Variants in SEC11A observed in about 807,000 individuals in gnomAD.
SEC11A encodes the protein SEC11 homolog A, signal peptidase complex subunit.
In SEC11A, 14 loss-of-function variants were observed where a neutral mutation model predicts 25.6. That is an observed-to-expected ratio of 0.55 (90% CI 0.36 to 0.85). The LOEUF is 0.85. Ranked by LOEUF, SEC11A falls within the 40% of genes least tolerant of loss-of-function variation. The pLI is 0.01. For missense variants in SEC11A, 153 were observed against 222.9 expected, an observed-to-expected ratio of 0.69 and a Z score of 2.00; for synonymous variants, 83 against 76.4, an observed-to-expected ratio of 1.09 and a Z score of -0.45.
intron 1 of SEC11A, among the ~76,000 whole-genome samples, chr15:84,695,459 G>A (rs1051280790): frequency 4.7e-5 from 7 of 150,468 alleles, no homozygotes; most frequent in African/African-American, 1.2e-4. Context: ...GCGAAACTCC[G>A]TCTCAAAAAA....
intron 2 of SEC11A, among the ~76,000 whole-genome samples, chr15:84,691,067 T>TTC (rs1471642265): frequency 1.2e-4 from 16 of 135,662 alleles, no homozygotes; most frequent in Non-Finnish European, 1.4e-4. Context: ...AGAATTTCTT[T>TTC]TCTCTCTTTT....
intron 1 of SEC11A, among the ~76,000 whole-genome samples, chr15:84,706,743 T>C (rs1898105972): frequency 6.6e-6 from 1 of 152,162 alleles, no homozygotes; most frequent in African/African-American, 2.4e-5. Flanking sequence ...AATCTAACAG[T>C]TTTGTACTTT....
At chr15:84,670,256 TTC>T (rs1361696017) in intron 5 of SEC11A, 187 bp from the exon 6 acceptor site, 12 of 487,636 alleles carry the variant, frequency 2.5e-5, no homozygotes, top group South Asian at 6.2e-5. Flanking sequence ...TTAAATAATT[TTC>T]TTTTTTTTTT....
At chr15:84,700,200 A>T (rs187762079) in intron 1 of SEC11A, among the ~76,000 whole-genome samples, 9 of 152,060 alleles carry the variant, frequency 5.9e-5, no homozygotes, top group Admixed American at 1.3e-4. Flanking sequence ...CAACCAATAA[A>T]AAACTACCAG....
At chr15:84,680,610 G>T in intron 4 of SEC11A, 103 bp downstream of exon 4, 1 of 1,219,238 alleles carries the variant, frequency 8.2e-7, no homozygotes, top group East Asian at 2.5e-5. Context: ...GGTGGAACCA[G>T]AACCAAATCT....
At chr15:84,676,927 C>A (rs904351642) in intron 4 of SEC11A, among the ~76,000 whole-genome samples, 8 of 151,802 alleles carry the variant, frequency 5.3e-5, no homozygotes, top group African/African-American at 1.9e-4. Context: ...CCAATCTCTA[C>A]AAAAATTAAA....
intron 4 of SEC11A, among the ~76,000 whole-genome samples, chr15:84,676,739 T>G (rs1043210266): frequency 2.7e-5 from 4 of 149,356 alleles, no homozygotes; most frequent in African/African-American, 4.9e-5. Flanking sequence ...TGAGCTAAGA[T>G]AGCACCATTG....
intron 4 of SEC11A, chr15:84,672,381 C>T (rs538404904): frequency 6.2e-6 from 1 of 160,344 alleles, no homozygotes; most frequent in East Asian, 1.9e-4. Context: ...ATTCTCCTGC[C>T]TCAGCCTGCC....
intron 1 of SEC11A, among the ~76,000 whole-genome samples, chr15:84,714,568 A>G (rs1029710823): frequency 6.6e-6 from 1 of 152,260 alleles, no homozygotes; most frequent in Non-Finnish European, 1.5e-5. Context: ...ACATAGGCAC[A>G]GACAGGTTAA....
At chr15:84,700,184 G>A (rs1897887368) in intron 1 of SEC11A, among the ~76,000 whole-genome samples, 1 of 151,754 alleles carries the variant, frequency 6.6e-6, no homozygotes, top group African/African-American at 2.4e-5. Flanking sequence ...AATTCACAAA[G>A]TCTGGCAACC....
intron 1 of SEC11A, among the ~76,000 whole-genome samples, chr15:84,696,624 G>A (rs1048477627): frequency 6.6e-6 from 1 of 152,136 alleles, no homozygotes; most frequent in African/African-American, 2.4e-5. Flanking sequence ...GTGTGATTTT[G>A]AAAAGGTAAT....
intron 1 of SEC11A, among the ~76,000 whole-genome samples, chr15:84,704,973 G>A (rs115342489): frequency 2.9e-3 from 435 of 151,000 alleles, no homozygotes; most frequent in African/African-American, 8.9e-3. Flanking sequence ...TGCCCAGGCT[G>A]GAGTACAGTA....
At chr15:84,677,755 T>G (rs557846937) in intron 4 of SEC11A, among the ~76,000 whole-genome samples, 64 of 152,256 alleles carry the variant, frequency 4.2e-4, no homozygotes, top group African/African-American at 1.5e-3. Context: ...TTGCAGGCGT[T>G]AGCCACCGCA....
rs564124090 is a variant in SEC11A at position 84,670,075 on chromosome 15, A to G, written c.490-6T>C. 3.7e-6 allele frequency: 6 copies of G among 1,612,286 alleles called. No homozygotes were observed. In the South Asian group the frequency reaches 6.6e-5, roughly 18 times the overall value. On this transcript the variant is annotated splice_polypyrimidine_tract_variant and splice_region_variant and intron_variant, in intron 5 of 5. Transcript: ENST00000268220. ...AGCAAAAAGAGAACTGCATACTAGA[A>G]AATAAACACAGAACCACAAGTCAGA... is the stretch of plus-strand genomic sequence containing the variant.
intron 4 of SEC11A, among the ~76,000 whole-genome samples, chr15:84,675,856 T>C (rs1376567300): frequency 1.3e-5 from 2 of 152,232 alleles, no homozygotes; most frequent in African/African-American, 4.8e-5. Context: ...ACGACATGAA[T>C]AAGCCTTAAA....
chr15:84,683,963 C>G (rs925781112), intron 3 of SEC11A, among the ~76,000 whole-genome samples: 2 of 152,054 alleles, frequency 1.3e-5, no homozygotes. Flanking sequence ...CTAGGGAGAT[C>G]AAAGAGTTTA....
At chr15:84,701,195 C>A (rs1897930042) in intron 1 of SEC11A, among the ~76,000 whole-genome samples, 1 of 149,722 alleles carries the variant, frequency 6.7e-6, no homozygotes, top group Non-Finnish European at 1.5e-5. Flanking sequence ...CTGAGCCAGG[C>A]ATGGTGGCAT....
intron 1 of SEC11A, among the ~76,000 whole-genome samples, chr15:84,696,580 T>C (rs937762523): frequency 3.3e-5 from 5 of 152,148 alleles, no homozygotes; most frequent in East Asian, 1.9e-4. Context: ...CTCAAAACCC[T>C]TGGGGGTCAG....
chr15:84,691,562 C>T lies in SEC11A; in HGVS notation c.134G>A (p.Ser45Asn), dbSNP rs759409511. 1 of 1,611,150 alleles carries T rather than the reference C, an allele frequency of 6.2e-7. No homozygotes were observed. The highest frequency in any genetic ancestry group is 2.2e-5 in the East Asian group (1 of 44,848). Residue 45 changes from serine to asparagine, a missense_variant, in exon 2 of 6, where the codon AGT becomes AAT. Physicochemically the swap from Ser to Asn is conservative, Grantham distance 46. Coordinates refer to ENST00000268220, the MANE Select transcript of SEC11A (RefSeq NM_014300.4). ...IWKGLMVITG[S>N]ESPIVVVLSG... Reference sequence around the variant, plus strand: ...GAGCACCACTACAATCGGACTTTCACTTCCAGTTATTACCATTAACCCCTT... The same window carrying T: ...GAGCACCACTACAATCGGACTTTCATTTCCAGTTATTACCATTAACCCCTT...
Sources: allele counts gnomAD v4.1 joint callset (sites outside exome capture counted in the v4.1 genomes callset), GRCh38; gene constraint gnomAD v4.1.1; transcripts MANE v1.5; gene names NCBI Gene and HGNC (gene_info 2026-07-23, HGNC 2026-07-21).